NRXN3: variants seen among roughly 807,000 people sequenced by gnomAD.
NRXN3 encodes the protein neurexin 3.
In NRXN3, 32 loss-of-function variants were observed where a neutral mutation model predicts 137.6. The ratio of observed to expected loss-of-function variants is 0.23; its 90% CI spans 0.18 to 0.31. The LOEUF (loss-of-function observed/expected upper bound fraction) is 0.31. Ranked by LOEUF, NRXN3 falls within the 10% of genes least tolerant of loss-of-function variation. The probability of loss-of-function intolerance (pLI) is 1.00; values close to 1 mark genes in which losing one functional copy is unlikely to be tolerated. For synonymous variants in NRXN3, 798 were observed against 784.5 expected, an observed-to-expected ratio of 1.02 and a Z score of -0.29; for missense variants, 1,574 against 2,062.5, an observed-to-expected ratio of 0.76 and a Z score of 4.59.
intron 10 of NRXN3, among the ~76,000 whole-genome samples, chr14:78,898,585 G>C (rs900589895): frequency 6.6e-6 from 1 of 150,756 alleles, no homozygotes; most frequent in Non-Finnish European, 1.5e-5. Context: ...GTGTGTGTGT[G>C]TGTGTGTGTG....
chr14:78,299,068 C>G (rs1354438920), intron 4 of NRXN3, among the ~76,000 whole-genome samples: 1 of 152,182 alleles, frequency 6.6e-6, no homozygotes. Context: ...CCTACTTTTC[C>G]AATGTAAATG....
intron 16 of NRXN3, among the ~76,000 whole-genome samples, chr14:79,596,810 G>A (rs993385464): frequency 2.6e-5 from 4 of 152,272 alleles, no homozygotes; most frequent in South Asian, 2.1e-4. Context: ...TCATGCTGAC[G>A]TTAGCCATTA....
intron 2 of NRXN3, among the ~76,000 whole-genome samples, chr14:78,250,670 G>C (rs2068469646): frequency 1.3e-5 from 2 of 152,328 alleles, no homozygotes; most frequent in Admixed American, 1.3e-4. Context: ...CCACTGAATA[G>C]ATGAGACCCA....
chr14:79,193,140 CAAAAA>C (rs35463097), intron 15 of NRXN3, among the ~76,000 whole-genome samples: 1 of 149,844 alleles, frequency 6.7e-6, no homozygotes, highest in African/African-American at 2.5e-5. Flanking sequence ...GTTTTAAAGA[CAAAAA>C]AAAAAATTGA....
chr14:78,943,728 A>G (rs1384080551), intron 10 of NRXN3, among the ~76,000 whole-genome samples: 3 of 136,814 alleles, frequency 2.2e-5, no homozygotes, highest in Admixed American at 8.0e-5. Flanking sequence ...AGGAGAGTTT[A>G]GTCTTGGACA....
chr14:79,365,733 AAAAAAAAAAAAG>A lies in NRXN3; in HGVS notation c.3263-101479_3263-101468del, dbSNP rs919231566. Among the ~76,000 whole-genome samples the A allele has an allele frequency of 7.6e-5, 11 of 145,568 alleles. No homozygotes were observed. The East Asian group carries it at 8.1e-4, about 11-fold the overall frequency. ...AGAGCGAGACTCTGTCTCAAAAAAA[AAAAAAAAAAAAG>A]AAAAAAAAGAAGAGTTTTATTAAAC... On this transcript the variant is annotated intron_variant, in intron 15 of 20. Coordinates refer to ENST00000335750, the MANE Select transcript of NRXN3 (RefSeq NM_001330195.2).
At chr14:78,819,074 C>T (rs2098943054) in intron 10 of NRXN3, among the ~76,000 whole-genome samples, 1 of 152,138 alleles carries the variant, frequency 6.6e-6, no homozygotes, top group African/African-American at 2.4e-5. Context: ...TGCCCTCCTT[C>T]ATCTGACCAC....
chr14:79,246,313 A>C (rs1428246939), intron 15 of NRXN3, among the ~76,000 whole-genome samples: 1 of 152,222 alleles, frequency 6.6e-6, no homozygotes, highest in Non-Finnish European at 1.5e-5. Flanking sequence ...ACCTATTCCC[A>C]GTTCCAAGAT....
chr14:78,320,932 A>G (rs553269113), intron 4 of NRXN3, among the ~76,000 whole-genome samples: 239 of 152,208 alleles, frequency 1.6e-3, no homozygotes, highest in Non-Finnish European at 2.7e-3. Context: ...CCTGCCCAAC[A>G]TGGTGAAACC....
intron 15 of NRXN3, among the ~76,000 whole-genome samples, chr14:79,429,754 AG>A (rs2095715161): frequency 1.3e-5 from 2 of 152,064 alleles, no homozygotes; most frequent in Non-Finnish European, 2.9e-5. Flanking sequence ...AGAAACAACC[AG>A]AAAACACTTT....
chr14:78,518,283 T>A (rs2153798229), intron 4 of NRXN3, among the ~76,000 whole-genome samples: 1 of 152,268 alleles, frequency 6.6e-6, no homozygotes, highest in Non-Finnish European at 1.5e-5. Flanking sequence ...GGCTGGGTTT[T>A]GGTTTCTTAG....
intron 19 of NRXN3, among the ~76,000 whole-genome samples, chr14:79,741,551 C>T (rs2098963137): frequency 6.6e-6 from 1 of 151,968 alleles, no homozygotes; most frequent in African/African-American, 2.4e-5. Context: ...GTGGCATGAT[C>T]TTGGCTTACT....
chr14:79,039,109 A>T (rs1436512301), intron 15 of NRXN3, among the ~76,000 whole-genome samples: 1 of 152,172 alleles, frequency 6.6e-6, no homozygotes, highest in Non-Finnish European at 1.5e-5. Flanking sequence ...AGAACTCTTC[A>T]TTCTTAGGAG....
intron 19 of NRXN3, among the ~76,000 whole-genome samples, chr14:79,783,926 G>T (rs2099121606): frequency 6.6e-6 from 1 of 152,142 alleles, no homozygotes; most frequent in Non-Finnish European, 1.5e-5. Context: ...CTGTTTGGGT[G>T]CTGTGAGTCT....
intron 15 of NRXN3, among the ~76,000 whole-genome samples, chr14:79,336,636 T>C (rs1388565007): frequency 6.6e-6 from 1 of 152,188 alleles, no homozygotes; most frequent in Non-Finnish European, 1.5e-5. Flanking sequence ...TAGGTTTCAG[T>C]AATGATTTCC....
intron 8 of NRXN3, among the ~76,000 whole-genome samples, chr14:78,764,570 C>G (rs1260361350): frequency 6.6e-6 from 1 of 152,138 alleles, no homozygotes; most frequent in African/African-American, 2.4e-5. Context: ...CCTCTTCTGG[C>G]TCCATAGAGA....
intron 10 of NRXN3, among the ~76,000 whole-genome samples, chr14:78,895,281 C>T (rs978071394): frequency 1.3e-5 from 2 of 151,904 alleles, no homozygotes; most frequent in African/African-American, 2.4e-5. Flanking sequence ...GGATAACTTG[C>T]TGCAGCGTCT....
intron 19 of NRXN3, among the ~76,000 whole-genome samples, chr14:79,750,923 G>C (rs1343430078): frequency 2.0e-5 from 3 of 152,098 alleles, no homozygotes; most frequent in Non-Finnish European, 4.4e-5. Flanking sequence ...AAAATATACT[G>C]TGCTTATTAT....
At chr14:79,625,767 C>A (rs1435714188) in intron 16 of NRXN3, among the ~76,000 whole-genome samples, 1 of 152,150 alleles carries the variant, frequency 6.6e-6, no homozygotes, top group African/African-American at 2.4e-5. Flanking sequence ...CTGTATGTAT[C>A]CAGTTTTACA....
Sources: gnomAD v4.1 joint callset for allele counts (sites outside exome capture counted in the v4.1 genomes callset) on GRCh38, gnomAD v4.1.1 for gene constraint, MANE v1.5 for transcripts, NCBI Gene and HGNC (gene_info 2026-07-23, HGNC 2026-07-21) for gene names.